Variants in CDK12 observed in about 807,000 individuals in gnomAD.
The protein encoded by CDK12 is cyclin-dependent kinase 12.
A neutral mutation model predicts 133.8 loss-of-function variants in CDK12; 17 were observed. The observed-to-expected ratio is 0.13, with a 90% CI of 0.09 to 0.19. CDK12 has a LOEUF of 0.19. Among genes scored for constraint, CDK12 ranks in the 10% least tolerant of loss-of-function variants. The probability of loss-of-function intolerance (pLI) is 1.00; values close to 1 mark genes in which losing one functional copy is unlikely to be tolerated. For missense variants in CDK12, 1,508 were observed against 1,818.7 expected, an observed-to-expected ratio of 0.83 and a Z score of 3.11; for synonymous variants, 694 against 683.6, an observed-to-expected ratio of 1.02 and a Z score of -0.24.
At chr17:39,518,500 G>C (rs1479393468) in intron 10 of CDK12, among the ~76,000 whole-genome samples, 1 of 151,822 alleles carries the variant, frequency 6.6e-6, no homozygotes, top group Non-Finnish European at 1.5e-5. Flanking sequence ...CCATGTTTTG[G>C]TTTTGTTTTC....
chr17:39,520,016 G>A lies in CDK12; in HGVS notation c.3024G>A (p.Arg1008=). Residue 1008 remains arginine (R), a synonymous_variant, in exon 11 of 14, where the codon CGG becomes CGA. Transcript: ENST00000447079. ...DHMLTLDPSK[R]CTAEQTLQSD... ...TGCTGACACTAGATCCTAGTAAGCG[G>A]TGCACAGCTGAACAGACCCTACAGA... is the stretch of plus-strand genomic sequence containing the variant. 1 of 1,614,066 alleles carries A rather than the reference G, an allele frequency of 6.2e-7. No homozygotes were observed.
At chr17:39,561,077 T>C (rs935881714) in intron 3 of CDK12, among the ~76,000 whole-genome samples, 2 of 152,100 alleles carry the variant, frequency 1.3e-5, no homozygotes, top group African/African-American at 4.8e-5. Context: ...TGAAATTGTT[T>C]CCCCTTTGCC....
intron 1 of CDK12, among the ~76,000 whole-genome samples, chr17:39,541,885 C>T (rs1316652654): frequency 5.9e-5 from 9 of 152,208 alleles, no homozygotes; most frequent in Non-Finnish European, 1.3e-4. Context: ...TAACCTCTCC[C>T]TTTACAGAGC....
intron 11 of CDK12, among the ~76,000 whole-genome samples, chr17:39,520,515 C>T (rs530762499): frequency 3.3e-5 from 5 of 152,198 alleles, no homozygotes; most frequent in East Asian, 1.9e-4. Flanking sequence ...CTCAGCCTCC[C>T]GAGTAGCTGG....
intron 7 of CDK12, among the ~76,000 whole-genome samples, chr17:39,510,851 G>C (rs949346005): frequency 6.7e-6 from 1 of 150,158 alleles, no homozygotes; most frequent in Non-Finnish European, 1.5e-5. Context: ...GACCTTAGGT[G>C]ATCTGCCTGG....
chr17:39,526,332 A>G lies in CDK12; in HGVS notation c.3760+16A>G. 3.9e-6 allele frequency: 6 copies of G among 1,556,894 alleles called. No homozygotes were observed. Among genetic ancestry groups the G allele is most frequent in the South Asian group, 1.2e-5 (1 of 84,978 alleles). On this transcript the variant is annotated intron_variant, in intron 13 of 13. Transcript: ENST00000447079. ...GAGGCAGCAGGTAAACAGACCGGTC[A>G]TGAATCTCATTGAGCTCAGGTGCTG...
At chr17:39,538,641 GT>G (rs2055254354), downstream of CDK12, among the ~76,000 whole-genome samples, 1 of 152,224 alleles carries the variant, frequency 6.6e-6, no homozygotes, top group African/African-American at 2.4e-5. Flanking sequence ...GCTCACGCCT[GT>G]AATCCCAGCA....
At position 39,532,768 on chromosome 17, in the gene CDK12, T is replaced by A. The variant is rs1373876735; in HGVS notation, c.*1452T>A. 1 of 232,758 alleles carries A rather than the reference T, an allele frequency of 4.3e-6. No homozygotes were observed. Among genetic ancestry groups the A allele is most frequent in the Admixed American group, 5.6e-5 (1 of 17,756 alleles). 14.4% of individuals were successfully genotyped at this position (232,758 alleles called of 1,614,324 possible). ...GCTTCCAGGCAAGAACTTTGCCTTA[T>A]CATAAACAGGAAATGAAAAAGGGAA... On this transcript the variant is annotated 3_prime_UTR_variant, in exon 14 of 14. Transcript: ENST00000447079.
At chr17:39,492,065 TC>T (rs1325486561) in intron 3 of CDK12, among the ~76,000 whole-genome samples, 1 of 148,872 alleles carries the variant, frequency 6.7e-6, no homozygotes, top group Non-Finnish European at 1.5e-5. Flanking sequence ...CATAAAAGAA[TC>T]CTTTTTTCTT....
chr17:39,487,859 C>T (rs60333790), intron 2 of CDK12, among the ~76,000 whole-genome samples: 4,984 of 152,128 alleles, frequency 0.033, 135 homozygotes, highest in African/African-American at 0.072. Context: ...AACTGATCCG[C>T]CTGCCTTGGC....
At chr17:39,505,787 A>G (rs187908415) in intron 6 of CDK12, among the ~76,000 whole-genome samples, 28 of 152,326 alleles carry the variant, frequency 1.8e-4, no homozygotes, top group Non-Finnish European at 3.7e-4. Context: ...TATATGGAGT[A>G]CCAGTGTTTC....
chr17:39,515,289 A>G (rs1212044583), intron 8 of CDK12, among the ~76,000 whole-genome samples: 1 of 152,230 alleles, frequency 6.6e-6, no homozygotes, highest in Non-Finnish European at 1.5e-5. Flanking sequence ...CAGTGCCAAG[A>G]AGGCTATAGT....
At chr17:39,482,194 T>C (rs1350759525) in intron 2 of CDK12, among the ~76,000 whole-genome samples, 8 of 151,288 alleles carry the variant, frequency 5.3e-5, no homozygotes. Flanking sequence ...GTGTTTTTAA[T>C]AGAGATGGGG....
chr17:39,538,187 TAAG>T (rs1442760672), downstream of CDK12, among the ~76,000 whole-genome samples: 2 of 152,176 alleles, frequency 1.3e-5, no homozygotes, highest in Non-Finnish European at 2.9e-5. Flanking sequence ...AATTCAAGAA[TAAG>T]GAGGAATGAC....
At chr17:39,558,103 T>G (rs2056229747) in intron 3 of CDK12, among the ~76,000 whole-genome samples, 1 of 152,194 alleles carries the variant, frequency 6.6e-6, no homozygotes, top group Admixed American at 6.5e-5. Context: ...AAAGACTTTG[T>G]GAGTCCCCTG....
intron 1 of CDK12, among the ~76,000 whole-genome samples, chr17:39,467,475 C>T (rs183794187): frequency 1.3e-5 from 2 of 152,230 alleles, no homozygotes; most frequent in East Asian, 1.9e-4. Flanking sequence ...GTTGTCTACT[C>T]CTCCGCTTTT....
At chr17:39,486,193 T>G (rs1250575528) in intron 2 of CDK12, among the ~76,000 whole-genome samples, 1 of 150,982 alleles carries the variant, frequency 6.6e-6, no homozygotes, top group East Asian at 1.9e-4. Flanking sequence ...CTTCAGGTGA[T>G]CCGCCCGCTT....
chr17:39,547,473 T>C (rs1400912709), upstream of CDK12, among the ~76,000 whole-genome samples: 2 of 152,132 alleles, frequency 1.3e-5, no homozygotes, highest in Non-Finnish European at 1.5e-5. Flanking sequence ...TATGTGTGCA[T>C]TTGTTTTTAA....
At chr17:39,536,727 C>T (rs966368468), downstream of CDK12, among the ~76,000 whole-genome samples, 2 of 152,120 alleles carry the variant, frequency 1.3e-5, no homozygotes, top group African/African-American at 4.8e-5. Flanking sequence ...ACACTTTGAC[C>T]ACTGGATTTC....
Sources: allele counts gnomAD v4.1 joint callset (sites outside exome capture counted in the v4.1 genomes callset), GRCh38; gene constraint gnomAD v4.1.1; transcripts MANE v1.5; gene names NCBI Gene and HGNC (gene_info 2026-07-23, HGNC 2026-07-21).